CSMD1: variants seen among roughly 807,000 people sequenced by gnomAD.
CSMD1 encodes CUB and Sushi multiple domains 1, also known as CUB and sushi domain-containing protein 1.
CSMD1 carries 213 observed loss-of-function variants against 417.5 expected under a neutral mutation model. The ratio of observed to expected loss-of-function variants is 0.51; its 90% CI spans 0.46 to 0.57. CSMD1 has a LOEUF of 0.57. Among genes scored for constraint, CSMD1 ranks in the 20% least tolerant of loss-of-function variants. The pLI is 0.00. For missense variants in CSMD1, 6,923 were observed against 4,529.7 expected, an observed-to-expected ratio of 1.53 and a Z score of -15.17; for synonymous variants, 2,862 against 1,736.8, an observed-to-expected ratio of 1.65 and a Z score of -16.11.
chr8:3,170,364 T>TA (rs543654499), intron 37 of CSMD1, among the ~76,000 whole-genome samples: 71 of 152,236 alleles, frequency 4.7e-4, no homozygotes, highest in African/African-American at 1.6e-3. Context: ...CCTACCACCA[T>TA]ACCTGGCTAA....
chr8:4,107,942 G>T (rs1265809913), intron 3 of CSMD1, among the ~76,000 whole-genome samples: 1 of 151,890 alleles, frequency 6.6e-6, no homozygotes, highest in Non-Finnish European at 1.5e-5. Flanking sequence ...TGCCCCCTAC[G>T]GACTGAAAAC....
intron 3 of CSMD1, among the ~76,000 whole-genome samples, chr8:4,348,432 C>G (rs1398656290): frequency 6.6e-6 from 1 of 152,024 alleles, no homozygotes; most frequent in Non-Finnish European, 1.5e-5. Context: ...TTTTAAAAAT[C>G]AGAATATTAG....
intron 33 of CSMD1, among the ~76,000 whole-genome samples, chr8:3,195,496 T>C (rs1796655070): frequency 6.6e-6 from 1 of 152,238 alleles, no homozygotes; most frequent in East Asian, 1.9e-4. Flanking sequence ...GTGCTGGAGT[T>C]ACTAAGAAAC....
intron 2 of CSMD1, among the ~76,000 whole-genome samples, chr8:4,626,989 T>G (rs1802155801): frequency 6.6e-6 from 1 of 152,204 alleles, no homozygotes; most frequent in Non-Finnish European, 1.5e-5. Context: ...TTTATTGTGG[T>G]AAAGCAAGTA....
Position 3,262,688 on chromosome 8 carries a change from C to G in CSMD1, c.4153+21456G>C, listed in dbSNP as rs185956416. 3.0e-3 allele frequency among the ~76,000 whole-genome samples: 460 copies of G among 151,936 alleles called. 3 individuals carry two copies. Among genetic ancestry groups the G allele is most frequent in the Non-Finnish European group, 5.5e-3 (375 of 67,954 alleles). Reference sequence around the variant, plus strand: ...CATTATTCAAGCAAACATGGAATACCTGGTGTAATCTGCCCCTCGAGAGTT... The same window carrying G: ...CATTATTCAAGCAAACATGGAATACGTGGTGTAATCTGCCCCTCGAGAGTT... On this transcript the variant is annotated intron_variant, in intron 26 of 69. Transcript: ENST00000635120.
chr8:3,961,732 G>C (rs776619688), intron 5 of CSMD1, among the ~76,000 whole-genome samples: 3 of 152,172 alleles, frequency 2.0e-5, no homozygotes, highest in Non-Finnish European at 2.9e-5. Context: ...CATTTCCTGC[G>C]TATGTAGTAA....
At chr8:4,322,944 C>A (rs986791311) in intron 3 of CSMD1, among the ~76,000 whole-genome samples, 2 of 152,170 alleles carry the variant, frequency 1.3e-5, no homozygotes, top group South Asian at 2.1e-4. Context: ...TAGATCGTGC[C>A]CCTGCAACCC....
intron 1 of CSMD1, among the ~76,000 whole-genome samples, chr8:4,936,984 G>C (rs769711746): frequency 5.9e-5 from 9 of 152,130 alleles, no homozygotes; most frequent in Non-Finnish European, 5.9e-5. Flanking sequence ...GCCAAGGCTG[G>C]AGGATACCTT....
chr8:3,662,263 T>G (rs1361196192), intron 7 of CSMD1, among the ~76,000 whole-genome samples: 2 of 152,206 alleles, frequency 1.3e-5, no homozygotes, highest in African/African-American at 4.8e-5. Flanking sequence ...GATGGGAGCA[T>G]TTTTATTTTC....
At chr8:4,278,576 T>C (rs1796610641) in intron 3 of CSMD1, among the ~76,000 whole-genome samples, 2 of 152,214 alleles carry the variant, frequency 1.3e-5, no homozygotes, top group African/African-American at 4.8e-5. Context: ...AGATAACATA[T>C]GCCTATTTTT....
At chr8:3,799,200 A>C (rs1217595747) in intron 5 of CSMD1, among the ~76,000 whole-genome samples, 1 of 152,100 alleles carries the variant, frequency 6.6e-6, no homozygotes, top group African/African-American at 2.4e-5. Flanking sequence ...GAGGAATAGC[A>C]CATAACTTAC....
intron 6 of CSMD1, among the ~76,000 whole-genome samples, chr8:3,711,210 T>C (rs546766843): frequency 3.0e-4 from 45 of 152,282 alleles, no homozygotes; most frequent in African/African-American, 1.1e-3. Flanking sequence ...CCCAACAGTG[T>C]AGCTTAGCAA....
chr8:4,474,138 T>C (rs776142068), intron 2 of CSMD1, among the ~76,000 whole-genome samples: 1 of 152,184 alleles, frequency 6.6e-6, no homozygotes, highest in Non-Finnish European at 1.5e-5. Flanking sequence ...ATGATAAATT[T>C]GCCTGCCTTA....
At chr8:3,444,086 C>A (rs765474070) in intron 12 of CSMD1, among the ~76,000 whole-genome samples, 1 of 152,152 alleles carries the variant, frequency 6.6e-6, no homozygotes, top group Admixed American at 6.6e-5. Flanking sequence ...CACACACGCA[C>A]ATACACACTC....
chr8:3,927,019 G>A (rs1178287109), intron 5 of CSMD1, among the ~76,000 whole-genome samples: 1 of 151,642 alleles, frequency 6.6e-6, no homozygotes, highest in Admixed American at 6.6e-5. Flanking sequence ...CGGCCAAATT[G>A]GCATCTTTAA....
At position 4,469,395 on chromosome 8, in the gene CSMD1, G is replaced by C. The variant is rs552175924; in HGVS notation, c.303-49330C>G. On this transcript the variant is annotated intron_variant, in intron 2 of 69. Transcript: ENST00000635120. ...TCAAGGTGCAAAACGGCTGGTGTCAGCATTCTGCCGTATTTTCAGATTACA... is the reference window on the plus strand; with the variant it reads ...TCAAGGTGCAAAACGGCTGGTGTCACCATTCTGCCGTATTTTCAGATTACA... 5.9e-5 allele frequency among the ~76,000 whole-genome samples: 9 copies of C among 152,276 alleles called. No homozygotes were observed. The South Asian group carries it at 1.9e-3, about 32-fold the overall frequency.
intron 8 of CSMD1, among the ~76,000 whole-genome samples, chr8:3,586,844 G>C (rs1800623889): frequency 6.6e-6 from 1 of 152,192 alleles, no homozygotes; most frequent in African/African-American, 2.4e-5. Context: ...CTGTCACCCA[G>C]GCTGGAGTGC....
At chr8:3,290,144 C>G (rs187247622) in intron 25 of CSMD1, among the ~76,000 whole-genome samples, 1 of 144,836 alleles carries the variant, frequency 6.9e-6, no homozygotes, top group Non-Finnish European at 1.5e-5. Context: ...TGTAGATATG[C>G]AGCATTATTT....
intron 8 of CSMD1, among the ~76,000 whole-genome samples, chr8:3,598,063 C>G (rs1269379172): frequency 6.6e-6 from 1 of 152,162 alleles, no homozygotes; most frequent in South Asian, 2.1e-4. Context: ...CTTCTTAATA[C>G]AGTTTATTTT....
Sources: gnomAD v4.1 joint callset for allele counts (sites outside exome capture counted in the v4.1 genomes callset) on GRCh38, gnomAD v4.1.1 for gene constraint, MANE v1.5 for transcripts, NCBI Gene and HGNC (gene_info 2026-07-23, HGNC 2026-07-21) for gene names.